Variants in ADCY1 observed in about 807,000 individuals in gnomAD.
ADCY1 encodes the protein adenylate cyclase 1, also known as adenylate cyclase type 1.
A neutral mutation model predicts 105.4 loss-of-function variants in ADCY1; 28 were observed. That is an observed-to-expected ratio of 0.27 (90% CI 0.20 to 0.36). The LOEUF is 0.36. Ranked by LOEUF, ADCY1 falls within the 10% of genes least tolerant of loss-of-function variation. ADCY1 has a pLI of 1.00. For synonymous variants in ADCY1, 655 were observed against 623.8 expected (o/e 1.05, Z -0.75); for missense variants, 977 against 1,434.2 (o/e 0.68, Z 5.15).
chr7:45,601,080 G>A, intron 2 of ADCY1, among the ~76,000 whole-genome samples: 1 of 152,182 alleles, frequency 6.6e-6, no homozygotes, highest in Admixed American at 6.5e-5. Context: ...ATAAGGAGAT[G>A]CTGCGTGTGA....
intron 1 of ADCY1, among the ~76,000 whole-genome samples, chr7:45,582,067 A>G (rs1792565193): frequency 6.6e-6 from 1 of 152,080 alleles, no homozygotes; most frequent in East Asian, 1.9e-4. Flanking sequence ...ACACTCACAC[A>G]GTACACTCAC....
chr7:45,616,206 A>T (rs950418993), intron 3 of ADCY1, among the ~76,000 whole-genome samples: 1 of 152,236 alleles, frequency 6.6e-6, no homozygotes, highest in Non-Finnish European at 1.5e-5. Context: ...CCAACAACGA[A>T]AAGTCCAGGC....
chr7:45,605,923 C>G (rs1294771302), intron 2 of ADCY1, among the ~76,000 whole-genome samples: 1 of 152,146 alleles, frequency 6.6e-6, no homozygotes, highest in East Asian at 1.9e-4. Context: ...TGTGTATGAG[C>G]CTCTGTATAT....
chr7:45,596,334 C>G (rs775697454), intron 2 of ADCY1, among the ~76,000 whole-genome samples: 1 of 151,850 alleles, frequency 6.6e-6, no homozygotes, highest in Non-Finnish European at 1.5e-5. Context: ...TTGGGGGATG[C>G]ACTGAGGTTC....
chr7:45,708,540 A>C lies in ADCY1; in HGVS notation c.2932+76A>C. On this transcript the variant is annotated intron_variant, in intron 18 of 19. Coordinates refer to ENST00000297323, the MANE Select transcript of ADCY1 (RefSeq NM_021116.4). This position sits in a 1 kb window ranked among gnomAD's most constrained non-coding sequence, Gnocchi z 4.7. Reference sequence around the variant, plus strand: ...ACCCACCTAGGGGTGGGATCAGCTGATGAGGTACCCTGGTCTTACAGGAAG... The same window carrying C: ...ACCCACCTAGGGGTGGGATCAGCTGCTGAGGTACCCTGGTCTTACAGGAAG... 1 of 1,146,606 alleles carries C rather than the reference A, an allele frequency of 8.7e-7. No individual in the cohort carries two copies. Among genetic ancestry groups the C allele is most frequent in the Non-Finnish European group, 1.3e-6 (1 of 767,872 alleles). The allele number at this position is 1,146,606 out of a possible 1,614,324, so 71.0% of individuals were successfully genotyped here.
At chr7:45,685,790 G>T (rs143274387) in intron 12 of ADCY1, among the ~76,000 whole-genome samples, 172 bp from the exon 13 acceptor site, 82 of 152,340 alleles carry the variant, frequency 5.4e-4, no homozygotes, top group African/African-American at 1.9e-3. Context: ...CCAGTGGGGA[G>T]CCTTGAAGTG....
intron 14 of ADCY1, among the ~76,000 whole-genome samples, chr7:45,699,716 A>C (rs1246391299): frequency 6.6e-6 from 1 of 152,064 alleles, no homozygotes; most frequent in Non-Finnish European, 1.5e-5. Context: ...AGCCCTGTAG[A>C]GTTGCTGCCT....
intron 14 of ADCY1, among the ~76,000 whole-genome samples, chr7:45,695,302 A>G (rs921531839): frequency 6.6e-6 from 1 of 152,230 alleles, no homozygotes; most frequent in Non-Finnish European, 1.5e-5. Context: ...GTGGAACTTC[A>G]TGTGGCCATT....
At chr7:45,588,585 A>G (rs796111335) in intron 1 of ADCY1, among the ~76,000 whole-genome samples, 21 of 152,254 alleles carry the variant, frequency 1.4e-4, no homozygotes, top group African/African-American at 5.1e-4. Context: ...CCTGCCTCCC[A>G]TAGTGAGGGG....
intron 10 of ADCY1, among the ~76,000 whole-genome samples, chr7:45,678,576 C>T (rs904931140): frequency 6.6e-6 from 1 of 151,974 alleles, no homozygotes; most frequent in African/African-American, 2.4e-5. Context: ...CAACATGCAC[C>T]ATTGCTGTAA....
intron 8 of ADCY1, among the ~76,000 whole-genome samples, chr7:45,663,766 C>T (rs1257939243): frequency 6.6e-6 from 1 of 151,976 alleles, no homozygotes; most frequent in Non-Finnish European, 1.5e-5. Context: ...TTGCAGTGAG[C>T]CGAGATTGTG....
intron 8 of ADCY1, among the ~76,000 whole-genome samples, chr7:45,670,578 C>T (rs75856141): frequency 2.3e-3 from 342 of 151,996 alleles, no homozygotes; most frequent in Non-Finnish European, 3.3e-3. Flanking sequence ...AAGGAGAACT[C>T]GTGTCCATCA....
At chr7:45,614,072 A>C (rs1450579053) in intron 3 of ADCY1, among the ~76,000 whole-genome samples, 1 of 152,252 alleles carries the variant, frequency 6.6e-6, no homozygotes, top group Non-Finnish European at 1.5e-5. Flanking sequence ...ATAAGAAAAT[A>C]CGATACTTAT....
rs1216211993 is a variant in ADCY1, at chr7:45,695,392, T to C, written c.2455-7984T>C. On this transcript the variant is annotated intron_variant, in intron 14 of 19. Coordinates refer to ENST00000297323, the MANE Select transcript of ADCY1 (RefSeq NM_021116.4). ...AAAGTAAATGGCCAAAGGTCAGAAC[T>C]GAAATCTGCCAAACCCTAAATGGGC... Among the ~76,000 whole-genome samples the C allele has an allele frequency of 4.6e-5, 7 of 152,190 alleles. No individual in the cohort carries two copies. In the East Asian group the frequency reaches 1.3e-3, roughly 29 times the overall value.
At chr7:45,578,164 G>A (rs1420820946) in intron 1 of ADCY1, among the ~76,000 whole-genome samples, 1 of 152,194 alleles carries the variant, frequency 6.6e-6, no homozygotes, top group South Asian at 2.1e-4. Flanking sequence ...CTGAAAGCTA[G>A]TGTGCATGAC....
intron 1 of ADCY1, among the ~76,000 whole-genome samples, chr7:45,586,056 C>T (rs1370934130): frequency 1.3e-5 from 2 of 152,166 alleles, no homozygotes; most frequent in Admixed American, 6.5e-5. Context: ...TGGGGGCTTG[C>T]ATCTGTCTTC....
chr7:45,643,814 G>C (rs1018034566), intron 4 of ADCY1, among the ~76,000 whole-genome samples: 3 of 152,052 alleles, frequency 2.0e-5, no homozygotes, highest in Non-Finnish European at 4.4e-5. Context: ...GTTTCTTTTT[G>C]ATGCTGGTAG....
At chr7:45,685,934 T>G (rs1253892007) in intron 12 of ADCY1, 28 bp from the exon 13 acceptor site, 1 of 1,598,602 alleles carries the variant, frequency 6.3e-7, no homozygotes, top group African/African-American at 1.3e-5. Flanking sequence ...TGCCCTTTGC[T>G]AAGCCCCTGT....
intron 3 of ADCY1, among the ~76,000 whole-genome samples, chr7:45,614,168 G>T (rs1793668993): frequency 6.6e-6 from 1 of 152,006 alleles, no homozygotes; most frequent in South Asian, 2.1e-4. Flanking sequence ...TAGCATAAAA[G>T]TTAAGAAAAC....
Sources: allele counts gnomAD v4.1 joint callset (sites outside exome capture counted in the v4.1 genomes callset), GRCh38; gene constraint gnomAD v4.1.1; non-coding constraint Gnocchi (gnomAD v3.1); transcripts MANE v1.5; gene names NCBI Gene and HGNC (gene_info 2026-07-23, HGNC 2026-07-21).